The following GLRA3 variants were observed in gnomAD, a reference collection of about 807,000 sequenced individuals.
GLRA3 encodes glycine receptor subunit alpha-3.
Under a neutral mutation model 60.4 loss-of-function variants are expected in GLRA3, and 44 were observed. The ratio of observed to expected loss-of-function variants is 0.73; its 90% CI spans 0.57 to 0.94. GLRA3 has a LOEUF of 0.94. GLRA3 is among the 40% of genes least tolerant of loss of function. GLRA3 has a pLI of 0.00. For synonymous variants in GLRA3, 223 were observed against 192.9 expected, an observed-to-expected ratio of 1.16 and a Z score of -1.29; for missense variants, 508 against 564.6, an observed-to-expected ratio of 0.90 and a Z score of 1.02.
intron 7 of GLRA3, among the ~76,000 whole-genome samples, chr4:174,669,556 A>T (rs1733827058): frequency 6.6e-6 from 1 of 152,032 alleles, no homozygotes; most frequent in Admixed American, 6.6e-5. Context: ...CACAATATTT[A>T]TTTTTCACAT....
intron 4 of GLRA3, among the ~76,000 whole-genome samples, chr4:174,727,875 T>C (rs932881202): frequency 6.6e-6 from 1 of 152,128 alleles, no homozygotes; most frequent in East Asian, 1.9e-4. Context: ...TTCCAGGGAT[T>C]GTGATTAAGG....
intron 1 of GLRA3, among the ~76,000 whole-genome samples, chr4:174,808,466 C>T (rs757434683): frequency 1.1e-4 from 17 of 152,100 alleles, no homozygotes; most frequent in Non-Finnish European, 2.2e-4. Context: ...CAATTATGTA[C>T]AGTACATAAT....
intron 1 of GLRA3, among the ~76,000 whole-genome samples, chr4:174,819,722 T>C (rs1388428989): frequency 1.3e-5 from 2 of 152,210 alleles, no homozygotes; most frequent in East Asian, 3.8e-4. Flanking sequence ...CATAAATGTA[T>C]GTAAACAAAG....
At chr4:174,828,257 C>A (rs1304281554) in intron 1 of GLRA3, among the ~76,000 whole-genome samples, 3 of 151,992 alleles carry the variant, frequency 2.0e-5, no homozygotes, top group Non-Finnish European at 4.4e-5. Flanking sequence ...TTGCAAGGCC[C>A]TTATTTTGAT....
At chr4:174,697,925 G>A (rs1735127221) in intron 5 of GLRA3, among the ~76,000 whole-genome samples, 1 of 152,108 alleles carries the variant, frequency 6.6e-6, no homozygotes, top group African/African-American at 2.4e-5. Context: ...TTTCACTGTA[G>A]GAGAGGTTAT....
chr4:174,645,460 A>C (rs1289963992), intron 9 of GLRA3, among the ~76,000 whole-genome samples: 1 of 151,468 alleles, frequency 6.6e-6, no homozygotes, highest in Non-Finnish European at 1.5e-5. Flanking sequence ...TGGTTCTGTG[A>C]AAGTAGCTCC....
Position 174,828,615 on chromosome 4 carries a change from T to C in GLRA3, c.71+126A>G, listed in dbSNP as rs1017182530. On this transcript the variant is annotated intron_variant, in intron 1 of 9. Transcript: ENST00000274093. ...ATAATTTAGACAGAAAACAATACGA[T>C]TAAATTGATTGTTTCAACAAGTCAA... 2.3e-5 allele frequency: 15 copies of C among 660,496 alleles called. No homozygotes were observed. In the African/African-American group the frequency reaches 2.3e-4, roughly 10 times the overall value. The allele number at this position is 660,496 out of a possible 1,614,324, so 40.9% of individuals were successfully genotyped here. A position where few individuals can be genotyped will look rare whatever the true frequency, so the allele number is the denominator to read the frequency against.
chr4:174,784,568 A>G (rs1214837644), intron 2 of GLRA3, among the ~76,000 whole-genome samples: 2 of 152,060 alleles, frequency 1.3e-5, no homozygotes, highest in Non-Finnish European at 2.9e-5. Flanking sequence ...CCTGTGCCTA[A>G]GTGAACATAA....
intron 4 of GLRA3, among the ~76,000 whole-genome samples, chr4:174,728,261 G>A (rs1044505054): frequency 3.9e-5 from 6 of 152,166 alleles, no homozygotes; most frequent in Admixed American, 3.9e-4. Flanking sequence ...TTAAAAAGTG[G>A]ATTTCCAAGA....
intron 5 of GLRA3, among the ~76,000 whole-genome samples, chr4:174,711,901 GT>G (rs1280046540): frequency 1.3e-5 from 2 of 152,072 alleles, no homozygotes; most frequent in Non-Finnish European, 2.9e-5. Context: ...TTCTTAGAAA[GT>G]GTCTAGTTGT....
At chr4:174,688,332 T>TG (rs1274561241) in intron 5 of GLRA3, among the ~76,000 whole-genome samples, 1 of 96,180 alleles carries the variant, frequency 1.0e-5, no homozygotes, top group Non-Finnish European at 2.2e-5. Context: ...TATATATATA[T>TG]ATATATATAT....
chr4:174,820,180 C>T (rs1431211272), intron 1 of GLRA3, among the ~76,000 whole-genome samples: 3 of 151,800 alleles, frequency 2.0e-5, no homozygotes, highest in East Asian at 3.9e-4. Flanking sequence ...GACATTTTTC[C>T]CTGAAAAGGA....
At chr4:174,747,857 T>C (rs1360673276) in intron 3 of GLRA3, among the ~76,000 whole-genome samples, 3 of 130,774 alleles carry the variant, frequency 2.3e-5, no homozygotes, top group African/African-American at 8.2e-5. Flanking sequence ...GTACAGTTAA[T>C]CTTGCCTTTA....
chr4:174,656,866 A>G, intron 8 of GLRA3, 79 bp from the exon 9 acceptor site: 1 of 801,268 alleles, frequency 1.2e-6, no homozygotes, highest in South Asian at 1.4e-5. Context: ...TAATTACACA[A>G]TTGGTTGTAA....
intron 1 of GLRA3, among the ~76,000 whole-genome samples, chr4:174,801,504 T>G (rs934255901): frequency 6.6e-6 from 1 of 152,136 alleles, no homozygotes; most frequent in Non-Finnish European, 1.5e-5. Context: ...CTTTCTGCAT[T>G]CCTTTCAAAC....
rs527664865 is a variant in GLRA3, at chr4:174,692,389, C to T, written c.575-9450G>A. ...GGGCGCCTCTGCCTGGCCGCCCCTA[C>T]TGGGAAGTGAGGAGCCCCTCTTCCC... On this transcript the variant is annotated intron_variant, in intron 5 of 9. Coordinates refer to ENST00000274093, the MANE Select transcript of GLRA3 (RefSeq NM_006529.4). Among the ~76,000 whole-genome samples, 15 of 151,110 alleles carry T rather than the reference C, an allele frequency of 9.9e-5. No individual in the cohort carries two copies. The South Asian group carries it at 3.0e-3, about 30-fold the overall frequency.
At chr4:174,804,515 T>A (rs139630554) in intron 1 of GLRA3, among the ~76,000 whole-genome samples, 1 of 151,984 alleles carries the variant, frequency 6.6e-6, no homozygotes, top group Non-Finnish European at 1.5e-5. Context: ...CTAAGAGACA[T>A]ATAATTAATA....
chr4:174,817,937 T>A (rs1448388594), intron 1 of GLRA3, among the ~76,000 whole-genome samples: 1 of 152,200 alleles, frequency 6.6e-6, no homozygotes, highest in Non-Finnish European at 1.5e-5. Context: ...AAATATGAAA[T>A]TATAGCTATA....
Position 174,767,028 on chromosome 4 carries a change from G to T in GLRA3, c.202C>A (p.Pro68Thr). The change falls in exon 3 of 10, where the codon CCT (proline) becomes ACT (threonine). Residue 68 changes from proline to threonine, a missense_variant and splice_region_variant. This residue lies in a region of GLRA3 where 329 missense variants were observed against 349.3 expected (regional missense o/e 0.94). Coordinates refer to ENST00000274093, the MANE Select transcript of GLRA3 (RefSeq NM_006529.4). ...DARIRPNFKGPPVNVTCNIFI... is the reference protein window; with the variant it reads ...DARIRPNFKGTPVNVTCNIFI... ...ATGTTGCATGTGACATTAACTGGAG[G>T]GCCTGAAAAAGAGATGAAAACATAA... 1 of 1,584,530 alleles carries T rather than the reference G, an allele frequency of 6.3e-7. No homozygotes were observed. Among genetic ancestry groups the T allele is most frequent in the Non-Finnish European group, 8.7e-7 (1 of 1,155,526 alleles).
Sources: allele counts gnomAD v4.1 joint callset (sites outside exome capture counted in the v4.1 genomes callset), GRCh38; gene constraint gnomAD v4.1.1; regional missense constraint gnomAD v4.1.1; transcripts MANE v1.5; gene names NCBI Gene and HGNC (gene_info 2026-07-23, HGNC 2026-07-21).